The following GNAQ variants were observed in gnomAD, a reference collection of about 807,000 sequenced individuals.
GNAQ encodes the protein guanine nucleotide-binding protein G(q) subunit alpha.
A neutral mutation model predicts 43.9 loss-of-function variants in GNAQ; 8 were observed. The ratio of observed to expected loss-of-function variants is 0.18; its 90% CI spans 0.11 to 0.33. The LOEUF is 0.33. GNAQ is among the 10% of genes least tolerant of loss of function. The pLI is 1.00. For missense variants in GNAQ, 158 were observed against 450.8 expected (o/e 0.35, Z 5.88); for synonymous variants, 155 against 170.7 (o/e 0.91, Z 0.71).
At chr9:77,967,727 C>A (rs527932852) in intron 1 of GNAQ, among the ~76,000 whole-genome samples, 2 of 152,156 alleles carry the variant, frequency 1.3e-5, no homozygotes, top group Non-Finnish European at 2.9e-5. Context: ...CTCCTGTAAT[C>A]CCAGCACTTT....
chr9:77,918,214 A>G (rs946764856), intron 2 of GNAQ, among the ~76,000 whole-genome samples: 17 of 152,350 alleles, frequency 1.1e-4, no homozygotes, highest in African/African-American at 4.1e-4. Flanking sequence ...TTTATAAAAT[A>G]CAGGAGCTCA....
chr9:77,757,702 A>C (rs1025682162), intron 5 of GNAQ, among the ~76,000 whole-genome samples: 5 of 152,222 alleles, frequency 3.3e-5, no homozygotes, highest in African/African-American at 7.2e-5. Context: ...CACATCTACC[A>C]TAACTTTCTG....
intron 2 of GNAQ, among the ~76,000 whole-genome samples, chr9:77,829,458 G>A (rs1023300521): frequency 3.3e-5 from 5 of 152,176 alleles, no homozygotes. Context: ...AATAAATAAA[G>A]TGGAAAAGCC....
intron 1 of GNAQ, among the ~76,000 whole-genome samples, chr9:77,990,975 A>C (rs576434256): frequency 5.8e-4 from 89 of 152,328 alleles, no homozygotes; most frequent in African/African-American, 1.9e-3. Flanking sequence ...TGCCAAATAA[A>C]ATTCCCTCAA....
chr9:77,874,190 A>G (rs1828093186), intron 2 of GNAQ, among the ~76,000 whole-genome samples: 1 of 152,122 alleles, frequency 6.6e-6, no homozygotes, highest in African/African-American at 2.4e-5. Context: ...CCTTTTTCAT[A>G]AGTACAGAAC....
At chr9:77,828,523 A>C (rs1257455492) in intron 2 of GNAQ, among the ~76,000 whole-genome samples, 2 of 152,194 alleles carry the variant, frequency 1.3e-5, no homozygotes, top group Admixed American at 6.5e-5. Context: ...TTGGGCACCA[A>C]GCTGTATCGT....
intron 5 of GNAQ, among the ~76,000 whole-genome samples, chr9:77,729,083 G>C (rs565665489): frequency 9.8e-6 from 1 of 102,020 alleles, no homozygotes; most frequent in East Asian, 2.4e-4. Flanking sequence ...TTTATTTGGG[G>C]CCTCACAATT....
intron 5 of GNAQ, among the ~76,000 whole-genome samples, chr9:77,760,576 G>A (rs888479127): frequency 4.6e-5 from 7 of 151,908 alleles, no homozygotes; most frequent in Non-Finnish European, 8.8e-5. Context: ...CCTCCCAGCC[G>A]CCTGCCTTGG....
At chr9:77,991,911 T>C (rs756827091) in intron 1 of GNAQ, among the ~76,000 whole-genome samples, 1 of 152,260 alleles carries the variant, frequency 6.6e-6, no homozygotes, top group Non-Finnish European at 1.5e-5. Context: ...TTCCATTTTA[T>C]GGCAGAGTAG....
At chr9:77,955,452 C>T (rs1823029997) in intron 1 of GNAQ, among the ~76,000 whole-genome samples, 1 of 152,070 alleles carries the variant, frequency 6.6e-6, no homozygotes, top group East Asian at 1.9e-4. Flanking sequence ...AGAATGTTTA[C>T]TCCTTAGTGA....
At chr9:77,728,733 G>T (rs1825439888) in intron 5 of GNAQ, 66 bp from the exon 6 acceptor site, 2 of 1,154,824 alleles carry the variant, frequency 1.7e-6, no homozygotes, top group Non-Finnish European at 2.5e-6. Flanking sequence ...TTTGTGAATT[G>T]TGTTTATTTT....
chr9:77,760,500 C>T (rs1446915486), intron 5 of GNAQ, among the ~76,000 whole-genome samples: 7 of 150,412 alleles, frequency 4.7e-5, no homozygotes. Context: ...GTGTCTGGTT[C>T]ACTCAGTGCT....
chr9:77,741,624 A>C (rs1825655855), intron 5 of GNAQ, among the ~76,000 whole-genome samples: 1 of 152,216 alleles, frequency 6.6e-6, no homozygotes, highest in South Asian at 2.1e-4. Context: ...CAGTATATTT[A>C]GCCAGATGTT....
intron 5 of GNAQ, among the ~76,000 whole-genome samples, chr9:77,782,065 G>T (rs1358546883): frequency 6.6e-6 from 1 of 152,014 alleles, no homozygotes; most frequent in East Asian, 1.9e-4. Flanking sequence ...TGAGAAGGAA[G>T]AAAACTGTCT....
intron 5 of GNAQ, among the ~76,000 whole-genome samples, chr9:77,784,714 T>A (rs1134066): frequency 6.6e-6 from 1 of 152,108 alleles, no homozygotes; most frequent in Non-Finnish European, 1.5e-5. Flanking sequence ...TTGAAAACAG[T>A]GAACTTAACA....
chr9:77,796,079 G>GT (rs1326898284), intron 4 of GNAQ, among the ~76,000 whole-genome samples: 1 of 152,162 alleles, frequency 6.6e-6, no homozygotes, highest in African/African-American at 2.4e-5. Flanking sequence ...GACTTAAAAC[G>GT]TAAGTAATAT....
At position 77,755,076 on chromosome 9, in the gene GNAQ, G is replaced by T. The variant is rs543414654; in HGVS notation, c.736-26409C>A. 3.3e-5 allele frequency among the ~76,000 whole-genome samples: 5 copies of T among 152,310 alleles called. No homozygotes were observed. The East Asian group carries it at 7.7e-4, about 24-fold the overall frequency. ...AAAAAAGAATGAGATCCTGTCATTTGCAACAACATGGATGGAACTGGAGGA... is the reference window on the plus strand; with the variant it reads ...AAAAAAGAATGAGATCCTGTCATTTTCAACAACATGGATGGAACTGGAGGA... On this transcript the variant is annotated intron_variant, in intron 5 of 6. Transcript: ENST00000286548.
intron 5 of GNAQ, among the ~76,000 whole-genome samples, chr9:77,785,346 G>A (rs1472023054): frequency 6.6e-6 from 1 of 152,104 alleles, no homozygotes. Context: ...TAGAGCCTTC[G>A]GAGGAATTTT....
At chr9:77,934,563 C>A (rs1829204513) in intron 1 of GNAQ, among the ~76,000 whole-genome samples, 1 of 151,984 alleles carries the variant, frequency 6.6e-6, no homozygotes, top group African/African-American at 2.4e-5. Flanking sequence ...TAGGAAGTCT[C>A]AAAAAATACG....
Sources: allele counts gnomAD v4.1 joint callset (sites outside exome capture counted in the v4.1 genomes callset), GRCh38; gene constraint gnomAD v4.1.1; transcripts MANE v1.5; gene names NCBI Gene and HGNC (gene_info 2026-07-23, HGNC 2026-07-21).